IMPA1: variants seen among roughly 807,000 people sequenced by gnomAD.
IMPA1 encodes the protein D-galactose 1-phosphate phosphatase.
A neutral mutation model predicts 34.9 loss-of-function variants in IMPA1; 21 were observed. That is an observed-to-expected ratio of 0.60 (90% CI 0.43 to 0.87). The LOEUF is 0.87. Among genes scored for constraint, IMPA1 ranks in the 40% least tolerant of loss-of-function variants. IMPA1 has a pLI of 0.00. For synonymous variants in IMPA1, 95 were observed against 104.4 expected, an observed-to-expected ratio of 0.91 and a Z score of 0.55; for missense variants, 299 against 336.4, an observed-to-expected ratio of 0.89 and a Z score of 0.87.
At chr8:81,681,639 C>A in intron 1 of IMPA1, 55 bp from the exon 2 acceptor site, 2 of 962,464 alleles carry the variant, frequency 2.1e-6, no homozygotes, top group South Asian at 2.8e-5. Context: ...ATAGTTAGTT[C>A]ACAAAAACGT....
chr8:81,682,446 A>C (rs768451761), intron 1 of IMPA1, among the ~76,000 whole-genome samples: 2 of 152,208 alleles, frequency 1.3e-5, no homozygotes, highest in Non-Finnish European at 2.9e-5. Flanking sequence ...AGAAACTCCT[A>C]TCTTGGGGCC....
chr8:81,670,919 A>C lies in IMPA1; in HGVS notation c.566+20T>G. 8.0e-7 allele frequency: 1 copy of C among 1,252,192 alleles called. No individual in the cohort carries two copies. Among genetic ancestry groups the C allele is most frequent in the Non-Finnish European group, 1.1e-6 (1 of 895,610 alleles). 77.6% of individuals were successfully genotyped at this position (1,252,192 alleles called of 1,614,324 possible). A position where few individuals can be genotyped will look rare whatever the true frequency, so the allele number is the denominator to read the frequency against. On this transcript the variant is annotated intron_variant, in intron 7 of 8. Coordinates refer to ENST00000256108, the MANE Select transcript of IMPA1 (RefSeq NM_005536.4). ...CACACGTATACAAAGAGAGAGATAG[A>C]ATAATGGTAAAGAGCTTACCCATGA...
At chr8:81,684,302 A>C (rs1185046112) in intron 1 of IMPA1, among the ~76,000 whole-genome samples, 4 of 144,586 alleles carry the variant, frequency 2.8e-5, no homozygotes. Context: ...TACTATATAT[A>C]GTATATATAC....
intron 3 of IMPA1, 121 bp downstream of exon 3, chr8:81,680,529 C>A (rs764257536): frequency 4.1e-6 from 3 of 725,544 alleles, no homozygotes; most frequent in Non-Finnish European, 6.8e-6. Context: ...TTGACCAACA[C>A]TTTGACTGTA....
chr8:81,673,974 T>A (rs373743142), intron 5 of IMPA1, 25 bp from the exon 6 acceptor site: 1 of 1,388,604 alleles, frequency 7.2e-7, no homozygotes, highest in South Asian at 1.2e-5. Flanking sequence ...AAGTTTCCTT[T>A]ACCAAACCTA....
At chr8:81,680,602 G>T (rs377264197) in intron 3 of IMPA1, 48 bp downstream of exon 3, 5 of 1,436,996 alleles carry the variant, frequency 3.5e-6, no homozygotes, top group Non-Finnish European at 4.8e-6. Flanking sequence ...AGAACCCCAA[G>T]AAATGGTGAG....
intron 4 of IMPA1, 52 bp from the exon 5 acceptor site, chr8:81,676,331 T>C (rs1158174464): frequency 2.3e-6 from 2 of 863,000 alleles, no homozygotes; most frequent in Non-Finnish European, 3.5e-6. Context: ...AGAACTTTTG[T>C]TAATAAAATT....
chr8:81,676,257 T>C lies in IMPA1; in HGVS notation c.325A>G (p.Ile109Val), dbSNP rs204781. 0.012 allele frequency: 16,463 copies of C among 1,349,110 alleles called. 163 individuals carry two copies. The highest frequency in any genetic ancestry group is 0.014 in the Non-Finnish European group (13,767 of 986,096). The allele number at this position is 1,349,110 out of a possible 1,614,324, so 83.6% of individuals were successfully genotyped here. ...VHRFPFVAVS[I>V]GFAVNKKIEF... ...ACCTTTTTATTTACAGCAAAGCCAA[T>C]TGAAACAGCTACAAAAGGAAATCTT... Residue 109 changes from isoleucine (I) to valine (V), a missense_variant, in exon 5 of 9, where the codon ATT becomes GTT. Ile to Val is a conservative substitution (Grantham distance 29). Transcript: ENST00000256108.
chr8:81,685,763 T>C (rs1163388978), intron 1 of IMPA1: 3 of 1,516,012 alleles, frequency 2.0e-6, no homozygotes, highest in Non-Finnish European at 2.7e-6. Flanking sequence ...GTTTACTCAC[T>C]TTCATTTTCC....
intron 4 of IMPA1, chr8:81,678,810 C>T (rs748551781): frequency 7.8e-6 from 2 of 256,098 alleles, no homozygotes; most frequent in African/African-American, 2.3e-5. Flanking sequence ...GTGCAAAGTG[C>T]CCTTCCCACT....
rs1806548588 is a variant in IMPA1 at position 81,657,434 on chromosome 8, A to G, written c.*1917T>C. 6.6e-6 allele frequency among the ~76,000 whole-genome samples: 1 copy of G among 152,066 alleles called. No homozygotes were observed. The highest frequency in any genetic ancestry group is 1.5e-5 in the Non-Finnish European group (1 of 67,998). On this transcript the variant is annotated 3_prime_UTR_variant, in exon 9 of 9. Transcript: ENST00000256108. ...CTGTCTCTACAAAAACTAAAAAATTAGCCAGGCATGGTGGCATGTGCCTGT... is the reference window on the plus strand; with the variant it reads ...CTGTCTCTACAAAAACTAAAAAATTGGCCAGGCATGGTGGCATGTGCCTGT...
At chr8:81,671,143 T>C (rs1037984436) in intron 6 of IMPA1, 96 bp from the exon 7 acceptor site, 2 of 532,890 alleles carry the variant, frequency 3.8e-6, no homozygotes, top group South Asian at 6.7e-5. Flanking sequence ...CTTCCTTGTT[T>C]TATCGTGTTT....
chr8:81,659,539 A>G (rs1806604104), intron 8 of IMPA1, 73 bp from the exon 9 acceptor site: 1 of 812,320 alleles, frequency 1.2e-6, no homozygotes, highest in South Asian at 1.4e-5. Flanking sequence ...GTATAGCAAT[A>G]TGTACTATGG....
rs948611689 is a variant in IMPA1, at chr8:81,658,559, C to T, written c.*792G>A. ...TATAGAAATAGTTTCTTCTCTCTTA[C>T]ACAAGACTTTAAAGCAAATCCAAAC... On this transcript the variant is annotated 3_prime_UTR_variant, in exon 9 of 9. Transcript: ENST00000256108. 2.0e-5 allele frequency: 3 copies of T among 152,542 alleles called. No homozygotes were observed. Among genetic ancestry groups the T allele is most frequent in the African/African-American group, 7.2e-5 (3 of 41,430 alleles). 9.4% of individuals were successfully genotyped at this position (152,542 alleles called of 1,614,324 possible). A position where few individuals can be genotyped will look rare whatever the true frequency, so the allele number is the denominator to read the frequency against.
chr8:81,668,851 G>A (rs556448254), intron 7 of IMPA1, among the ~76,000 whole-genome samples: 1 of 152,158 alleles, frequency 6.6e-6, no homozygotes, highest in Non-Finnish European at 1.5e-5. Flanking sequence ...AAGGAGGGTA[G>A]AATGGTTTCA....
intron 1 of IMPA1, among the ~76,000 whole-genome samples, chr8:81,683,063 G>A (rs1417440319): frequency 1.3e-5 from 2 of 152,190 alleles, no homozygotes; most frequent in African/African-American, 4.8e-5. Flanking sequence ...CATCAGATCA[G>A]GTTTCCCTGA....
rs1274786178 is a variant in IMPA1 at position 81,685,797 on chromosome 8, T to C, written c.-25+455A>G. 8 of 1,542,172 alleles carry C rather than the reference T, an allele frequency of 5.2e-6. No homozygotes were observed. In the African/African-American group the frequency reaches 1.1e-4, roughly 22 times the overall value. On this transcript the variant is annotated intron_variant, in intron 1 of 8. Coordinates refer to ENST00000256108, the MANE Select transcript of IMPA1 (RefSeq NM_005536.4). ...CCCAAAGCCATAAACACCTGAACTG[T>C]TTCCTGCTGTTTCTGTCCTGGTCAC...
In IMPA1 at chr8:81,680,803, A is replaced by C. The variant is rs776345078; in HGVS notation, c.64-20T>G. 35 of 1,555,876 alleles carry C rather than the reference A, an allele frequency of 2.2e-5. No individual in the cohort carries two copies. Among genetic ancestry groups the C allele is most frequent in the Non-Finnish European group, 3.1e-5 (35 of 1,138,620 alleles). Reference sequence around the variant, plus strand: ...AACTACCTAAAAAGAGGTTTTGGTAAGCAAATAGAAAAGGCATAATTTTAA... The same window carrying C: ...AACTACCTAAAAAGAGGTTTTGGTACGCAAATAGAAAAGGCATAATTTTAA... On this transcript the variant is annotated intron_variant, in intron 2 of 8. Transcript: ENST00000256108.
chr8:81,686,090 C>T (rs1405503887), intron 1 of IMPA1, 162 bp downstream of exon 1: 2 of 906,534 alleles, frequency 2.2e-6, no homozygotes, highest in African/African-American at 1.8e-5. Flanking sequence ...CAGGGCAGCT[C>T]CGGATAACGC....
Sources: gnomAD v4.1 joint callset for allele counts (sites outside exome capture counted in the v4.1 genomes callset) on GRCh38, gnomAD v4.1.1 for gene constraint, MANE v1.5 for transcripts, NCBI Gene and HGNC (gene_info 2026-07-23, HGNC 2026-07-21) for gene names.